Variants in CKMT2 observed in about 807,000 individuals in gnomAD.
The protein encoded by CKMT2 is creatine kinase, mitochondrial 2.
CKMT2 carries 43 observed loss-of-function variants against 48.9 expected under a neutral mutation model. That is an observed-to-expected ratio of 0.88 (90% CI 0.69 to 1.13). CKMT2 has a LOEUF of 1.13. CKMT2 is among the 50% of genes most tolerant of loss of function. The pLI is 0.00. For missense variants in CKMT2, 472 were observed against 555.4 expected (o/e 0.85, Z 1.51); for synonymous variants, 206 against 213.0 (o/e 0.97, Z 0.29).
intron 1 of CKMT2, among the ~76,000 whole-genome samples, chr5:81,248,010 A>C (rs1271712575): frequency 6.6e-6 from 1 of 152,238 alleles, no homozygotes; most frequent in Non-Finnish European, 1.5e-5. Context: ...TCCAGGAACT[A>C]AAATATGGAT....
intron 7 of CKMT2, 196 bp downstream of exon 7, chr5:81,258,052 C>A (rs923457110): frequency 4.6e-6 from 2 of 437,646 alleles, no homozygotes; most frequent in East Asian, 4.0e-5. Flanking sequence ...GGTGCCACCA[C>A]CACACCTGGC....
chr5:81,244,805 C>A (rs556377470), intron 1 of CKMT2: 1 of 152,128 alleles, frequency 6.6e-6, no homozygotes, highest in Non-Finnish European at 1.5e-5. Context: ...GCCATTGTTC[C>A]TCTATCAGGA....
chr5:81,255,574 A>C (rs898989475), intron 5 of CKMT2, among the ~76,000 whole-genome samples: 1 of 152,200 alleles, frequency 6.6e-6, no homozygotes, highest in African/African-American at 2.4e-5. Context: ...GGTTTCCATT[A>C]TCACAGCCAA....
chr5:81,257,140 A>AAG, intron 6 of CKMT2, 140 bp downstream of exon 6: 1 of 521,352 alleles, frequency 1.9e-6, no homozygotes, highest in Non-Finnish European at 3.3e-6. Flanking sequence ...ACTACTTGGA[A>AAG]AGTGTGTGTG....
chr5:81,244,358 G>A (rs1016684340), intron 1 of CKMT2, among the ~76,000 whole-genome samples: 2 of 152,158 alleles, frequency 1.3e-5, no homozygotes, highest in African/African-American at 4.8e-5. Flanking sequence ...CTACCTGTCT[G>A]CCTTGACCTG....
chr5:81,242,508 A>T (rs1267316811), intron 1 of CKMT2: 2 of 490,770 alleles, frequency 4.1e-6, no homozygotes, highest in Admixed American at 4.3e-5. Flanking sequence ...AATTAGGTTG[A>T]TTTGGTGTTC....
In CKMT2 at chr5:81,257,727, CA is replaced by C; in HGVS notation, c.756-5del. ...ACACTCAGTACCATATTTCTCTCTTCATTAGGCATAATTATGATAAGACATT... is the reference window on the plus strand; with the variant it reads ...ACACTCAGTACCATATTTCTCTCTTCTTAGGCATAATTATGATAAGACATT... On this transcript the variant is annotated splice_region_variant and splice_polypyrimidine_tract_variant and intron_variant, in intron 6 of 9. Coordinates refer to ENST00000254035, the MANE Select transcript of CKMT2 (RefSeq NM_001099735.2). 1 of 1,609,694 alleles carries C rather than the reference CA, an allele frequency of 6.2e-7. No individual in the cohort carries two copies. Among genetic ancestry groups the C allele is most frequent in the Non-Finnish European group, 8.5e-7 (1 of 1,177,532 alleles).
intron 3 of CKMT2, among the ~76,000 whole-genome samples, chr5:81,254,164 C>T (rs1187373351): frequency 1.3e-5 from 2 of 152,198 alleles, no homozygotes; most frequent in East Asian, 3.9e-4. Context: ...ACCAGCCCCA[C>T]CCTATCTCAA....
Position 81,266,370 on chromosome 5 carries a change from A to G in CKMT2, c.*112A>G. The G allele has an allele frequency of 2.0e-6, 2 of 1,010,042 alleles. No homozygotes were observed. The highest frequency in any genetic ancestry group is 3.5e-5 in the South Asian group (2 of 57,764). 62.6% of individuals were successfully genotyped at this position (1,010,042 alleles called of 1,614,324 possible). A position where few individuals can be genotyped will look rare whatever the true frequency, so the allele number is the denominator to read the frequency against. On this transcript the variant is annotated 3_prime_UTR_variant, in exon 10 of 10. Coordinates refer to ENST00000254035, the MANE Select transcript of CKMT2 (RefSeq NM_001099735.2). ...AAATATAAAATTGTAGATCCTGCCT[A>G]TCTTTACAATAAAACTCTCCTTAAT...
At chr5:81,251,063 G>T in intron 1 of CKMT2, 50 bp from the exon 2 acceptor site, 2 of 1,479,680 alleles carry the variant, frequency 1.4e-6, no homozygotes, top group South Asian at 1.2e-5. Context: ...CTATGTTGTG[G>T]CTCAGGGTCA....
chr5:81,244,753 T>C (rs2112791053), intron 1 of CKMT2: 1 of 152,280 alleles, frequency 6.6e-6, no homozygotes, highest in Admixed American at 6.5e-5. Context: ...CCTGAAAGGC[T>C]TTCCTTTATC....
chr5:81,258,634 T>C (rs938706886), intron 7 of CKMT2, among the ~76,000 whole-genome samples: 1 of 151,342 alleles, frequency 6.6e-6, no homozygotes, highest in Non-Finnish European at 1.5e-5. Context: ...CAGCAGGAGG[T>C]GAGTGGTGGG....
rs1756954565 is a variant in CKMT2 at position 81,255,118 on chromosome 5, G to A, written c.573G>A (p.Val191=). The change falls in exon 5 of 10, where the codon GTG becomes GTA. Residue 191 remains valine, a synonymous_variant. Transcript: ENST00000254035. ...TRAERREVEN[V]AITALEGLKG... ...CCGAGCGAAGGGAGGTAGAGAACGT[G>A]GCCATCACTGCCCTGGAGGGCCTCA... The A allele has an allele frequency of 6.2e-7, 1 of 1,614,094 alleles. No homozygotes were observed. The highest frequency in any genetic ancestry group is 8.5e-7 in the Non-Finnish European group (1 of 1,180,024).
chr5:81,247,171 A>G (rs1217214416), intron 1 of CKMT2, among the ~76,000 whole-genome samples: 1 of 152,206 alleles, frequency 6.6e-6, no homozygotes, highest in Non-Finnish European at 1.5e-5. Context: ...TGAACAGAAC[A>G]GTTCAGTACG....
At position 81,248,480 on chromosome 5, in the gene CKMT2, A is replaced by G. The variant is rs149064650; in HGVS notation, c.-20-2633A>G. 8.2e-3 allele frequency among the ~76,000 whole-genome samples: 1,246 copies of G among 152,278 alleles called. 26 individuals are homozygous for G. The highest frequency in any genetic ancestry group is 0.029 in the African/African-American group (1,187 of 41,556). ...GATGTATGCTAGCGTTGCCTGCTGC[A>G]AGCAAGGACCAGGAAGCACTGGTGC... On this transcript the variant is annotated intron_variant, in intron 1 of 9. Coordinates refer to ENST00000254035, the MANE Select transcript of CKMT2 (RefSeq NM_001099735.2).
intron 1 of CKMT2, chr5:81,239,344 C>T (rs1350941822): frequency 6.6e-6 from 1 of 152,244 alleles, no homozygotes; most frequent in African/African-American, 2.4e-5. Context: ...GCTGTGTCCT[C>T]ATCTTAGGAA....
In CKMT2 at chr5:81,252,867, G is replaced by C. The variant is rs1329555762; in HGVS notation, c.325G>C (p.Val109Leu). 1.2e-6 allele frequency: 2 copies of C among 1,614,252 alleles called. No homozygotes were observed. Among genetic ancestry groups the C allele is most frequent in the Non-Finnish European group, 8.5e-7 (1 of 1,180,042 alleles). The change falls in exon 3 of 10, where the codon GTG becomes CTG. Residue 109 changes from valine (V) to leucine (L), a missense_variant. Coordinates refer to ENST00000254035, the MANE Select transcript of CKMT2 (RefSeq NM_001099735.2). ...CCCCTTCATAAAGACTGTGGGCATG[G>C]TGGCTGGTGACGAGGAGTCCTATGA... ...GHPFIKTVGM[V>L]AGDEESYEVF...
chr5:81,262,240 T>C (rs1402449392), intron 8 of CKMT2, among the ~76,000 whole-genome samples: 1 of 152,088 alleles, frequency 6.6e-6, no homozygotes, highest in Non-Finnish European at 1.5e-5. Flanking sequence ...ATAAAAACCC[T>C]AGAAGAAAAC....
At chr5:81,241,215 T>C (rs558335925) in intron 1 of CKMT2, among the ~76,000 whole-genome samples, 17 of 152,286 alleles carry the variant, frequency 1.1e-4, no homozygotes, top group South Asian at 4.1e-4. Context: ...ACACTGTGCC[T>C]TCCAGCACGT....
Sources: gnomAD v4.1 joint callset for allele counts (sites outside exome capture counted in the v4.1 genomes callset) on GRCh38, gnomAD v4.1.1 for gene constraint, MANE v1.5 for transcripts, NCBI Gene and HGNC (gene_info 2026-07-23, HGNC 2026-07-21) for gene names.